FOXN2: variants seen among roughly 807,000 people sequenced by gnomAD.
The protein encoded by FOXN2 is forkhead box protein N2.
FOXN2 carries 19 observed loss-of-function variants against 41.2 expected under a neutral mutation model. The ratio of observed to expected loss-of-function variants is 0.46; its 90% CI spans 0.32 to 0.68. FOXN2 has a LOEUF of 0.68. Ranked by LOEUF, FOXN2 falls within the 30% of genes least tolerant of loss-of-function variation. The pLI is 0.03. For synonymous variants in FOXN2, 195 were observed against 176.8 expected, an observed-to-expected ratio of 1.10 and a Z score of -0.82; for missense variants, 587 against 509.4, an observed-to-expected ratio of 1.15 and a Z score of -1.47.
In FOXN2 at chr2:48,376,838, G is replaced by C. The variant is rs1342083346; in HGVS notation, c.*1395G>C. On this transcript the variant is annotated 3_prime_UTR_variant, in exon 7 of 7. Transcript: ENST00000340553. ...GTCTTATGCTACATCCTAAGTCATA[G>C]ACAATGACCTTGTTTTCATTATTCT... 6.6e-6 allele frequency: 1 copy of C among 152,386 alleles called. No homozygotes were observed. The highest frequency in any genetic ancestry group is 6.6e-5 in the Admixed American group (1 of 15,244). 9.4% of individuals were successfully genotyped at this position (152,386 alleles called of 1,614,324 possible).
rs1394439870 is a variant in FOXN2 at position 48,321,872 on chromosome 2, T to A, written c.-156-6689T>A. 2.6e-5 allele frequency among the ~76,000 whole-genome samples: 4 copies of A among 152,332 alleles called. No individual in the cohort carries two copies. The South Asian group carries it at 8.3e-4, about 32-fold the overall frequency. On this transcript the variant is annotated intron_variant, in intron 1 of 6. Coordinates refer to ENST00000340553, the MANE Select transcript of FOXN2 (RefSeq NM_002158.4). ...ATACATTTCTTATTGTGGGATAACA[T>A]TGAAAGTGAGAACTACAGGTCTAGT...
chr2:48,363,346 G>T (rs770076019), intron 5 of FOXN2, among the ~76,000 whole-genome samples: 4 of 151,990 alleles, frequency 2.6e-5, no homozygotes, highest in Non-Finnish European at 4.4e-5. Context: ...TGTATTTTAT[G>T]CTGTTATTAC....
rs377742176 is a variant in FOXN2 at position 48,322,317 on chromosome 2, AAC to A, written c.-156-6242_-156-6241del. Reference sequence around the variant, plus strand: ...TCTTTTTTTTTTAATTGTAAAGTGAAACAAATGCAGAAAACCACACAAAACAA... The same window carrying A: ...TCTTTTTTTTTTAATTGTAAAGTGAAAAATGCAGAAAACCACACAAAACAA... On this transcript the variant is annotated intron_variant, in intron 1 of 6. Transcript: ENST00000340553. Among the ~76,000 whole-genome samples the A allele has an allele frequency of 3.8e-4, 58 of 152,312 alleles. No individual in the cohort carries two copies. In the East Asian group the frequency reaches 9.8e-3, roughly 26 times the overall value.
intron 1 of FOXN2, among the ~76,000 whole-genome samples, chr2:48,327,053 T>A (rs1377432226): frequency 6.6e-6 from 1 of 152,088 alleles, no homozygotes; most frequent in Non-Finnish European, 1.5e-5. Flanking sequence ...ATTTCAGAGG[T>A]ATTTCAGATT....
intron 3 of FOXN2, among the ~76,000 whole-genome samples, chr2:48,357,080 T>C (rs887259922): frequency 6.6e-6 from 1 of 152,216 alleles, no homozygotes; most frequent in African/African-American, 2.4e-5. Context: ...CTTTAAAATG[T>C]AGATTAGCAA....
chr2:48,355,239 A>C (rs1671713521), intron 3 of FOXN2, among the ~76,000 whole-genome samples: 1 of 152,186 alleles, frequency 6.6e-6, no homozygotes, highest in African/African-American at 2.4e-5. Context: ...AATGTAATTA[A>C]TCTGAGTGTT....
At chr2:48,341,212 C>T (rs1346178554) in intron 2 of FOXN2, among the ~76,000 whole-genome samples, 1 of 152,022 alleles carries the variant, frequency 6.6e-6, no homozygotes, top group Non-Finnish European at 1.5e-5. Context: ...CTTTATGAAG[C>T]AAACTGACCA....
At chr2:48,345,040 C>T (rs992739481) in intron 2 of FOXN2, among the ~76,000 whole-genome samples, 2 of 151,804 alleles carry the variant, frequency 1.3e-5, no homozygotes, top group African/African-American at 4.8e-5. Flanking sequence ...GTTTAAAGTG[C>T]AAAACAAAAA....
chr2:48,378,592 TACA>T lies in FOXN2; in HGVS notation c.*3155_*3157del, dbSNP rs1265451789. ...CTGTAAAGACCATTGTCTTAAATAC[TACA>T]ACAACTTAACACCCTTTTGTGAAGA... On this transcript the variant is annotated 3_prime_UTR_variant, in exon 7 of 7. Transcript: ENST00000340553. 1.3e-5 allele frequency: 2 copies of T among 152,412 alleles called. No homozygotes were observed. The highest frequency in any genetic ancestry group is 3.8e-4 in the East Asian group (2 of 5,202). 9.4% of individuals were successfully genotyped at this position (152,412 alleles called of 1,614,324 possible). A position where few individuals can be genotyped will look rare whatever the true frequency, so the allele number is the denominator to read the frequency against.
intron 5 of FOXN2, among the ~76,000 whole-genome samples, chr2:48,367,701 A>AT (rs1283473980): frequency 1.3e-5 from 2 of 152,244 alleles, no homozygotes; most frequent in Non-Finnish European, 2.9e-5. Flanking sequence ...AACAACAGAA[A>AT]TATGCTCGAC....
At chr2:48,367,288 A>G (rs758863417) in intron 5 of FOXN2, among the ~76,000 whole-genome samples, 6 of 152,086 alleles carry the variant, frequency 3.9e-5, no homozygotes, top group Non-Finnish European at 8.8e-5. Context: ...CTAGACACCA[A>G]GGTACATCAG....
chr2:48,367,655 C>T (rs1398924240), intron 5 of FOXN2, among the ~76,000 whole-genome samples: 1 of 152,108 alleles, frequency 6.6e-6, no homozygotes, highest in Non-Finnish European at 1.5e-5. Flanking sequence ...TTCTATAGTT[C>T]TCATATCATT....
intron 6 of FOXN2, 23 bp from the exon 7 acceptor site, chr2:48,374,897 G>T (rs1469781632): frequency 6.3e-7 from 1 of 1,575,494 alleles, no homozygotes; most frequent in East Asian, 2.2e-5. Context: ...TTGACCTATT[G>T]ATGGAACTTT....
At chr2:48,319,611 A>G (rs1186559565) in intron 1 of FOXN2, among the ~76,000 whole-genome samples, 5 of 140,720 alleles carry the variant, frequency 3.6e-5, no homozygotes, top group African/African-American at 1.3e-4. Flanking sequence ...TCATATATTT[A>G]AATTCTTTTT....
intron 1 of FOXN2, among the ~76,000 whole-genome samples, chr2:48,318,289 T>G (rs1381252890): frequency 2.0e-5 from 3 of 152,228 alleles, no homozygotes; most frequent in Non-Finnish European, 2.9e-5. Flanking sequence ...GAATTTCACT[T>G]TCTATGACTT....
chr2:48,366,662 A>T (rs61062762), intron 5 of FOXN2, among the ~76,000 whole-genome samples: 4 of 152,016 alleles, frequency 2.6e-5, no homozygotes, highest in Non-Finnish European at 5.9e-5. Context: ...CTTTGCATGC[A>T]TTATCTAATT....
intron 2 of FOXN2, among the ~76,000 whole-genome samples, 184 bp from the exon 3 acceptor site, chr2:48,346,017 A>G (rs950204878): frequency 3.3e-5 from 5 of 152,210 alleles, no homozygotes; most frequent in East Asian, 1.9e-4. Context: ...TTCAACTAAT[A>G]TAAGTTATTT....
chr2:48,321,366 C>G (rs191026529), intron 1 of FOXN2, among the ~76,000 whole-genome samples: 2 of 152,054 alleles, frequency 1.3e-5, no homozygotes, highest in East Asian at 3.9e-4. Flanking sequence ...AACCCCGTCT[C>G]TACTAAAAAT....
chr2:48,336,571 C>T (rs72820404), intron 2 of FOXN2, among the ~76,000 whole-genome samples: 20,194 of 150,164 alleles, frequency 0.13, 1,658 homozygotes, highest in East Asian at 0.46. Flanking sequence ...AATTTCCACA[C>T]TAGTAGAGGA....
Sources: allele counts gnomAD v4.1 joint callset (sites outside exome capture counted in the v4.1 genomes callset), GRCh38; gene constraint gnomAD v4.1.1; transcripts MANE v1.5; gene names NCBI Gene and HGNC (gene_info 2026-07-23, HGNC 2026-07-21).